The following DGKI variants were observed in gnomAD, a reference collection of about 807,000 sequenced individuals.
DGKI encodes DAG kinase iota.
Under a neutral mutation model 147.5 loss-of-function variants are expected in DGKI, and 55 were observed. That is an observed-to-expected ratio of 0.37 (90% CI 0.30 to 0.47). DGKI has a LOEUF of 0.47. Among genes scored for constraint, DGKI ranks in the 20% least tolerant of loss-of-function variants. DGKI has a pLI of 1.00. For missense variants in DGKI, 1,007 were observed against 1,323.8 expected, an observed-to-expected ratio of 0.76 and a Z score of 3.71; for synonymous variants, 469 against 477.1, an observed-to-expected ratio of 0.98 and a Z score of 0.22.
At chr7:137,466,357 G>C (rs1814659544) in intron 25 of DGKI, among the ~76,000 whole-genome samples, 1 of 152,202 alleles carries the variant, frequency 6.6e-6, no homozygotes, top group Non-Finnish European at 1.5e-5. Context: ...ATGGTAAGTG[G>C]ACTTCTACCC....
At chr7:137,706,868 C>T (rs186790477) in intron 1 of DGKI, among the ~76,000 whole-genome samples, 240 of 152,142 alleles carry the variant, frequency 1.6e-3, no homozygotes, top group African/African-American at 5.5e-3. Context: ...CACCACACCC[C>T]GCCGAAACAC....
In DGKI at chr7:137,491,773, T is replaced by C. The variant is rs538924577; in HGVS notation, c.2249-4084A>G. Among the ~76,000 whole-genome samples, 4 of 152,166 alleles carry C rather than the reference T, an allele frequency of 2.6e-5. No individual in the cohort carries two copies. In the South Asian group the frequency reaches 6.2e-4, roughly 24 times the overall value. On this transcript the variant is annotated intron_variant, in intron 21 of 32. Coordinates refer to ENST00000614521, the MANE Select transcript of DGKI (RefSeq NM_001321708.2). ...GATACTACAGACCACATCCCCAAAC[T>C]TTCTCCAAAGCCCATGCAAACTGCT...
intron 1 of DGKI, among the ~76,000 whole-genome samples, chr7:137,726,426 G>T (rs1794720390): frequency 6.6e-6 from 1 of 152,134 alleles, no homozygotes; most frequent in South Asian, 2.1e-4. Context: ...TCACTATTCT[G>T]AGAAAATCAG....
intron 23 of DGKI, among the ~76,000 whole-genome samples, chr7:137,479,555 C>T (rs1350760530): frequency 6.6e-6 from 1 of 152,156 alleles, no homozygotes; most frequent in Non-Finnish European, 1.5e-5. Flanking sequence ...AGCTGATGCA[C>T]ACATAATTTA....
chr7:137,811,686 C>G (rs2117002727), intron 1 of DGKI, among the ~76,000 whole-genome samples: 1 of 152,246 alleles, frequency 6.6e-6, no homozygotes, highest in African/African-American at 2.4e-5. Flanking sequence ...AAAACTATTC[C>G]CCAAATCACA....
At chr7:137,654,852 G>T (rs1010080729) in intron 4 of DGKI, 64 bp from the exon 5 acceptor site, 6 of 696,706 alleles carry the variant, frequency 8.6e-6, no homozygotes, top group Non-Finnish European at 8.9e-6. Flanking sequence ...TGAATTACCT[G>T]AAAAAAAAAA....
chr7:137,793,596 T>A (rs1796935453), intron 1 of DGKI, among the ~76,000 whole-genome samples: 2 of 152,182 alleles, frequency 1.3e-5, no homozygotes, highest in South Asian at 4.1e-4. Flanking sequence ...CTTGAGCCAC[T>A]GCACCCGGCC....
chr7:137,562,705 G>A (rs1361363348), intron 19 of DGKI, among the ~76,000 whole-genome samples: 2 of 151,966 alleles, frequency 1.3e-5, no homozygotes, highest in African/African-American at 4.8e-5. Context: ...TAATGAACAA[G>A]TTTCATGAAA....
Position 137,388,793 on chromosome 7 carries a change from G to A in DGKI, c.*2427C>T, listed in dbSNP as rs1811257344. On this transcript the variant is annotated 3_prime_UTR_variant, in exon 33 of 33. Coordinates refer to ENST00000614521, the MANE Select transcript of DGKI (RefSeq NM_001321708.2). ...ATATTGGTCTCCATGAATAACACAG[G>A]ACTCTAATGCCTTTTTTTTTTTTGG... The A allele has an allele frequency of 6.6e-6, 1 of 151,360 alleles. No individual in the cohort carries two copies. The allele number at this position is 151,360 out of a possible 1,614,324, so 9.4% of individuals were successfully genotyped here.
At chr7:137,552,799 C>T (rs528310003) in intron 19 of DGKI, among the ~76,000 whole-genome samples, 166 of 151,798 alleles carry the variant, frequency 1.1e-3, no homozygotes, top group African/African-American at 3.9e-3. Flanking sequence ...CCTGTAGTCC[C>T]AGCTACTTAG....
At chr7:137,638,587 C>CACATATACATATATGT (rs1821476125) in intron 6 of DGKI, among the ~76,000 whole-genome samples, 1 of 23,354 alleles carries the variant, frequency 4.3e-5, no homozygotes, top group African/African-American at 1.0e-4. Flanking sequence ...TATATATACA[C>CACATATACATATATGT]ATATATACAT....
At chr7:137,448,220 G>T (rs962823593) in intron 27 of DGKI, among the ~76,000 whole-genome samples, 3 of 141,986 alleles carry the variant, frequency 2.1e-5, no homozygotes, top group Admixed American at 1.5e-4. Flanking sequence ...GCAAAAGTTT[G>T]AAGATAACAG....
rs375255319 is a variant in DGKI, at chr7:137,466,958, T to A, written c.2444-16A>T. 6.2e-7 allele frequency: 1 copy of A among 1,613,752 alleles called. No homozygotes were observed. Among genetic ancestry groups the A allele is most frequent in the Non-Finnish European group, 8.5e-7 (1 of 1,179,706 alleles). On this transcript the variant is annotated splice_polypyrimidine_tract_variant and intron_variant, in intron 24 of 32. Transcript: ENST00000614521. The stretch of plus-strand genomic sequence containing the variant: ...GCAGAAGTTGCTAGGGGAAAAAAAA[T>A]GCAGATGGCATTCAGAATGTTCTGT...
At chr7:137,756,327 A>G (rs1795680023) in intron 1 of DGKI, among the ~76,000 whole-genome samples, 1 of 152,100 alleles carries the variant, frequency 6.6e-6, no homozygotes, top group African/African-American at 2.4e-5. Context: ...ATGGAAATAT[A>G]CCCTCAGCTG....
intron 1 of DGKI, among the ~76,000 whole-genome samples, chr7:137,758,068 A>G (rs1472433825): frequency 6.6e-6 from 1 of 152,194 alleles, no homozygotes; most frequent in Non-Finnish European, 1.5e-5. Context: ...GTGCAAAAGA[A>G]CCTTCTTTTT....
chr7:137,672,766 CTTTTTTTT>C (rs60078498), intron 3 of DGKI, among the ~76,000 whole-genome samples: 84 of 65,682 alleles, frequency 1.3e-3, no homozygotes, highest in African/African-American at 4.1e-3. Context: ...CTCTGTGTGT[CTTTTTTTT>C]TTTTTTTTTT....
chr7:137,618,151 A>ATATATTTTTTTTTT, intron 8 of DGKI, among the ~76,000 whole-genome samples: 1 of 10,466 alleles, frequency 9.6e-5, no homozygotes, highest in African/African-American at 1.2e-4. Context: ...ATATATATAT[A>ATATATTTTTTTTTT]TTTTTTTTTT....
At chr7:137,425,922 A>C (rs539679752) in intron 28 of DGKI, among the ~76,000 whole-genome samples, 5 of 152,328 alleles carry the variant, frequency 3.3e-5, no homozygotes, top group African/African-American at 4.8e-5. Context: ...TCTACGTCTG[A>C]TTGGTGTATC....
In DGKI at chr7:137,407,917, T is replaced by C. The variant is rs1362787290; in HGVS notation, c.2878A>G (p.Lys960Glu). ...TTCACAATCTCCCCGTTGCCGGTTTTAGCTGCGTAGTGAAGGAGTGAACAG... is the reference window on the plus strand; with the variant it reads ...TTCACAATCTCCCCGTTGCCGGTTTCAGCTGCGTAGTGAAGGAGTGAACAG... Reference protein sequence around the residue: ...DHCSLLHYAAKTGNGEIVKYI... With the variant: ...DHCSLLHYAAETGNGEIVKYI... Residue 960 changes from lysine to glutamate, a missense_variant, in exon 30 of 33, where the codon AAA (lysine) becomes GAA (glutamate). Coordinates refer to ENST00000614521, the MANE Select transcript of DGKI (RefSeq NM_001321708.2). The C allele has an allele frequency of 8.7e-6, 14 of 1,614,170 alleles. No homozygotes were observed. The South Asian group carries it at 1.5e-4, about 18-fold the overall frequency.
Sources: allele counts gnomAD v4.1 joint callset (sites outside exome capture counted in the v4.1 genomes callset), GRCh38; gene constraint gnomAD v4.1.1; transcripts MANE v1.5; gene names NCBI Gene and HGNC (gene_info 2026-07-23, HGNC 2026-07-21).